RALGAPA1: variants seen among roughly 807,000 people sequenced by gnomAD.
The protein encoded by RALGAPA1 is ral GTPase-activating protein subunit alpha-1.
In RALGAPA1, 52 loss-of-function variants were observed where a neutral mutation model predicts 269.6. The ratio of observed to expected loss-of-function variants is 0.19; its 90% confidence interval spans 0.15 to 0.24. The LOEUF is 0.24. RALGAPA1 is among the 10% of genes least tolerant of loss of function. RALGAPA1 has a pLI of 1.00. For missense variants in RALGAPA1, 1,917 were observed against 3,013.9 expected (o/e 0.64, Z 8.52); for synonymous variants, 817 against 1,008.3 (o/e 0.81, Z 3.60).
intron 27 of RALGAPA1, among the ~76,000 whole-genome samples, chr14:35,659,935 C>T (rs775697266): frequency 1.3e-5 from 2 of 151,876 alleles, no homozygotes; most frequent in Non-Finnish European, 2.9e-5. Flanking sequence ...TATGAATATC[C>T]TTTCATAATA....
At chr14:35,692,771 G>A (rs893907711) in intron 17 of RALGAPA1, among the ~76,000 whole-genome samples, 1 of 151,928 alleles carries the variant, frequency 6.6e-6, no homozygotes, top group Non-Finnish European at 1.5e-5. Flanking sequence ...CAAGAGGGCT[G>A]AATTATGTCA....
intron 21 of RALGAPA1, among the ~76,000 whole-genome samples, chr14:35,681,894 C>T (rs1271528185): frequency 2.6e-5 from 4 of 152,072 alleles, no homozygotes; most frequent in Non-Finnish European, 4.4e-5. Flanking sequence ...AGAATAATAA[C>T]GTATAATTAT....
intron 6 of RALGAPA1, 55 bp downstream of exon 6, chr14:35,760,774 A>C: frequency 3.0e-6 from 4 of 1,312,158 alleles, no homozygotes; most frequent in Non-Finnish European, 4.3e-6. Flanking sequence ...AAATACACTA[A>C]GAGACTACAT....
intron 3 of RALGAPA1, among the ~76,000 whole-genome samples, chr14:35,773,501 T>C (rs2074791239): frequency 6.6e-6 from 1 of 152,066 alleles, no homozygotes; most frequent in East Asian, 1.9e-4. Flanking sequence ...TATAGAAAAA[T>C]AGTTATTTTT....
At chr14:35,654,790 T>C (rs1359294837) in intron 29 of RALGAPA1, among the ~76,000 whole-genome samples, 1 of 152,194 alleles carries the variant, frequency 6.6e-6, no homozygotes, top group Non-Finnish European at 1.5e-5. Flanking sequence ...TCCAATCAAC[T>C]ATTCACCACA....
chr14:35,776,015 A>C (rs572547763), intron 1 of RALGAPA1, among the ~76,000 whole-genome samples: 35 of 152,354 alleles, frequency 2.3e-4, no homozygotes, highest in African/African-American at 7.9e-4. Context: ...AAAAGAAGTT[A>C]AGTTCTATTT....
intron 13 of RALGAPA1, among the ~76,000 whole-genome samples, chr14:35,726,432 A>G (rs1161450038): frequency 1.3e-5 from 2 of 152,194 alleles, no homozygotes; most frequent in African/African-American, 2.4e-5. Flanking sequence ...TAACTCACTC[A>G]TAAATCATAC....
intron 10 of RALGAPA1, among the ~76,000 whole-genome samples, chr14:35,744,243 T>C (rs954691151): frequency 6.6e-5 from 10 of 151,960 alleles, no homozygotes; most frequent in Non-Finnish European, 1.3e-4. Flanking sequence ...TGGTGGCGCA[T>C]GCCTGTAATA....
intron 35 of RALGAPA1, among the ~76,000 whole-genome samples, chr14:35,613,727 G>GTCC (rs1345156688): frequency 6.6e-6 from 1 of 152,156 alleles, no homozygotes; most frequent in African/African-American, 2.4e-5. Context: ...AAGGACACAA[G>GTCC]TAATCAGATT....
chr14:35,776,099 G>C (rs1000455460), intron 1 of RALGAPA1, among the ~76,000 whole-genome samples: 3 of 152,100 alleles, frequency 2.0e-5, no homozygotes, highest in Non-Finnish European at 4.4e-5. Flanking sequence ...TATGATGTCT[G>C]AAGGCCAGGT....
intron 35 of RALGAPA1, among the ~76,000 whole-genome samples, chr14:35,620,201 C>A (rs917744506): frequency 1.3e-5 from 2 of 152,104 alleles, no homozygotes; most frequent in African/African-American, 4.8e-5. Context: ...CAAGGATGGT[C>A]CAACATACGC....
At chr14:35,785,486 C>A (rs1041497108) in intron 1 of RALGAPA1, among the ~76,000 whole-genome samples, 3 of 152,036 alleles carry the variant, frequency 2.0e-5, no homozygotes, top group African/African-American at 7.2e-5. Flanking sequence ...TAAGGAAAAT[C>A]CTATTATACT....
At chr14:35,716,165 G>A in intron 16 of RALGAPA1, 2 of 805,032 alleles carry the variant, frequency 2.5e-6, no homozygotes, top group Non-Finnish European at 3.0e-6. Context: ...AGGCCGAGGA[G>A]GGTGGATCAC....
At chr14:35,646,904 C>A (rs961522902) in intron 31 of RALGAPA1, among the ~76,000 whole-genome samples, 3 of 152,130 alleles carry the variant, frequency 2.0e-5, no homozygotes, top group African/African-American at 4.8e-5. Flanking sequence ...ATAAATAATT[C>A]TTTGTACTAC....
Position 35,631,045 on chromosome 14 carries a change from T to C in RALGAPA1, c.5996-3094A>G, listed in dbSNP as rs537065433. On this transcript the variant is annotated intron_variant, in intron 33 of 41. Coordinates refer to ENST00000680220, the MANE Select transcript of RALGAPA1 (RefSeq NM_001346249.2). ...AAGAATGTAAGGAAAGTAAAAAGTA[T>C]TTTGAGCTATATGACAAGAAATAGG... is the stretch of plus-strand genomic sequence containing the variant. 3.3e-5 allele frequency among the ~76,000 whole-genome samples: 5 copies of C among 152,274 alleles called. No individual in the cohort carries two copies. In the South Asian group the frequency reaches 1.0e-3, roughly 32 times the overall value.
intron 27 of RALGAPA1, among the ~76,000 whole-genome samples, chr14:35,663,971 A>G (rs1445067228): frequency 1.3e-5 from 2 of 152,110 alleles, no homozygotes; most frequent in Non-Finnish European, 2.9e-5. Flanking sequence ...TGATGGAATT[A>G]TTTATCAACA....
chr14:35,623,608 T>TA (rs1258953305), intron 35 of RALGAPA1, among the ~76,000 whole-genome samples: 4 of 152,180 alleles, frequency 2.6e-5, no homozygotes, highest in African/African-American at 9.6e-5. Context: ...TAGGTGTTGT[T>TA]ACAAAATGTT....
Position 35,539,513 on chromosome 14 carries a change from T to A in RALGAPA1, c.*201A>T. The A allele has an allele frequency of 6.2e-7, 1 of 1,607,148 alleles. No individual in the cohort carries two copies. Among genetic ancestry groups the A allele is most frequent in the South Asian group, 1.1e-5 (1 of 90,156 alleles). Reference sequence around the variant, plus strand: ...CCTATGTTCGTGCTAAGGTGGCTACTGCTGATCACTGCTGGGCTGCTTGTC... The same window carrying A: ...CCTATGTTCGTGCTAAGGTGGCTACAGCTGATCACTGCTGGGCTGCTTGTC... On this transcript the variant is annotated 3_prime_UTR_variant, in exon 42 of 42. Transcript: ENST00000680220.
intron 1 of RALGAPA1, among the ~76,000 whole-genome samples, chr14:35,782,184 T>A (rs1053127112): frequency 9.2e-5 from 14 of 152,252 alleles, no homozygotes; most frequent in African/African-American, 3.4e-4. Flanking sequence ...ACACTGGCAA[T>A]GAACAATCTA....
Sources: allele counts gnomAD v4.1 joint callset (sites outside exome capture counted in the v4.1 genomes callset), GRCh38; gene constraint gnomAD v4.1.1; transcripts MANE v1.5; gene names NCBI Gene and HGNC (gene_info 2026-07-23, HGNC 2026-07-21).